The following ADGRL3 variants were observed in gnomAD, a reference collection of about 807,000 sequenced individuals.
ADGRL3 encodes the protein adhesion G protein-coupled receptor L3.
A neutral mutation model predicts 153.5 loss-of-function variants in ADGRL3; 62 were observed. That is an observed-to-expected ratio of 0.40 (90% CI 0.33 to 0.50). The LOEUF is 0.50. Ranked by LOEUF, ADGRL3 falls within the 20% of genes least tolerant of loss-of-function variation. The pLI is 0.47. For synonymous variants in ADGRL3, 710 were observed against 672.5 expected, an observed-to-expected ratio of 1.06 and a Z score of -0.86; for missense variants, 1,641 against 1,859.4, an observed-to-expected ratio of 0.88 and a Z score of 2.16.
intron 8 of ADGRL3, among the ~76,000 whole-genome samples, chr4:61,810,110 A>C (rs115415713): frequency 1.3e-3 from 203 of 152,246 alleles, no homozygotes; most frequent in African/African-American, 4.6e-3. Flanking sequence ...TTGTAAACCT[A>C]GCGTTATGGG....
chr4:61,362,071 C>G (rs1252044818), intron 1 of ADGRL3, among the ~76,000 whole-genome samples: 1 of 150,778 alleles, frequency 6.6e-6, no homozygotes, highest in African/African-American at 2.4e-5. Flanking sequence ...GGCATAATCT[C>G]TACTCACTGC....
chr4:61,654,638 C>G (rs1453052890), intron 5 of ADGRL3, among the ~76,000 whole-genome samples: 1 of 152,020 alleles, frequency 6.6e-6, no homozygotes, highest in Non-Finnish European at 1.5e-5. Flanking sequence ...GTGGTTGAAG[C>G]CTGTAATCCC....
At chr4:61,397,964 A>G (rs1466374477) in intron 2 of ADGRL3, among the ~76,000 whole-genome samples, 4 of 151,858 alleles carry the variant, frequency 2.6e-5, no homozygotes, top group Admixed American at 1.3e-4. Flanking sequence ...ATCTGGACAG[A>G]TGCTCTGTTG....
At chr4:62,044,387 G>T (rs1428177238) in intron 24 of ADGRL3, 66 bp from the exon 25 acceptor site, 13 of 1,047,554 alleles carry the variant, frequency 1.2e-5, no homozygotes, top group Non-Finnish European at 1.7e-5. Context: ...GAAAAGAAAA[G>T]AATGATTTGT....
intron 3 of ADGRL3, among the ~76,000 whole-genome samples, chr4:61,502,411 A>G (rs184743656): frequency 2.0e-5 from 3 of 152,206 alleles, no homozygotes; most frequent in East Asian, 3.9e-4. Flanking sequence ...GGCGAGCGGT[A>G]TGTTTTATAG....
chr4:61,832,682 C>G (rs1366765793), intron 9 of ADGRL3, among the ~76,000 whole-genome samples: 1 of 152,160 alleles, frequency 6.6e-6, no homozygotes, highest in Non-Finnish European at 1.5e-5. Flanking sequence ...AACACCTTCA[C>G]TGGATTGACT....
intron 9 of ADGRL3, among the ~76,000 whole-genome samples, chr4:61,839,087 A>G (rs1255357308): frequency 1.3e-5 from 2 of 152,186 alleles, no homozygotes; most frequent in Non-Finnish European, 2.9e-5. Context: ...GTACTGGAGT[A>G]TTTAAAAGTA....
At chr4:61,669,055 A>C (rs2094903054) in intron 5 of ADGRL3, among the ~76,000 whole-genome samples, 1 of 152,162 alleles carries the variant, frequency 6.6e-6, no homozygotes, top group African/African-American at 2.4e-5. Flanking sequence ...TAAGAGTCTT[A>C]TTACTTTTAT....
chr4:61,631,309 G>T (rs112990422), intron 5 of ADGRL3, among the ~76,000 whole-genome samples: 87 of 152,222 alleles, frequency 5.7e-4, no homozygotes, highest in Non-Finnish European at 1.0e-3. Flanking sequence ...AGGTTTCTAA[G>T]ATCAAATAAA....
intron 2 of ADGRL3, chr4:61,426,585 CCAGCATTTA>C (rs1343884420): frequency 1.3e-5 from 2 of 152,188 alleles, no homozygotes; most frequent in Non-Finnish European, 2.9e-5. Flanking sequence ...ACACTCTGCA[CCAGCATTTA>C]CCAATGCCAA....
chr4:61,759,049 G>A (rs947754353), intron 8 of ADGRL3, among the ~76,000 whole-genome samples: 7 of 152,128 alleles, frequency 4.6e-5, no homozygotes, highest in African/African-American at 1.7e-4. Flanking sequence ...CGAGAGATCA[G>A]CTGTTAGTCT....
At position 61,974,424 on chromosome 4, in the gene ADGRL3, A is replaced by G. The variant is rs1452004877; in HGVS notation, c.2806-5139A>G. 8.4e-4 allele frequency among the ~76,000 whole-genome samples: 128 copies of G among 152,140 alleles called. 4 individuals carry two copies. Among genetic ancestry groups the G allele is most frequent in the Admixed American group, 8.3e-3 (127 of 15,276 alleles). On this transcript the variant is annotated intron_variant, in intron 17 of 26. Transcript: ENST00000683033. ...AATAACATTAGCATTTATTATTGTT[A>G]TGGTTATTTTTCTGATCCTCTCTAT...
chr4:61,465,758 A>ATATATATATATAT (rs2097871895), intron 2 of ADGRL3, among the ~76,000 whole-genome samples: 5 of 130,156 alleles, frequency 3.8e-5, no homozygotes, highest in South Asian at 5.1e-4. Flanking sequence ...ATTATATATA[A>ATATATATATATAT]ATATATATAT....
At chr4:61,896,840 C>A (rs924758074) in intron 11 of ADGRL3, among the ~76,000 whole-genome samples, 2 of 152,120 alleles carry the variant, frequency 1.3e-5, no homozygotes, top group South Asian at 4.1e-4. Context: ...GTAGCTCAGA[C>A]CCCTGGGCAA....
chr4:62,022,413 C>T (rs2099242214), intron 21 of ADGRL3, among the ~76,000 whole-genome samples: 3 of 152,120 alleles, frequency 2.0e-5, no homozygotes. Flanking sequence ...GAAGTTGCAG[C>T]AAATTATCCA....
chr4:61,418,353 G>T (rs923202349), intron 2 of ADGRL3, among the ~76,000 whole-genome samples: 2 of 152,166 alleles, frequency 1.3e-5, no homozygotes, highest in African/African-American at 2.4e-5. Context: ...TCACCTAGTG[G>T]TCTCTGCCAT....
At chr4:61,452,465 T>C (rs2097687713) in intron 2 of ADGRL3, among the ~76,000 whole-genome samples, 2 of 152,310 alleles carry the variant, frequency 1.3e-5, no homozygotes, top group Admixed American at 6.5e-5. Context: ...ATGATGACAT[T>C]CCAAATCTTG....
At chr4:61,819,432 C>T (rs956225951) in intron 9 of ADGRL3, among the ~76,000 whole-genome samples, 2 of 151,966 alleles carry the variant, frequency 1.3e-5, no homozygotes, top group African/African-American at 4.8e-5. Context: ...ATATGAGCAA[C>T]ATCTCTAGGT....
In ADGRL3 at chr4:61,733,173, C is replaced by T; in HGVS notation, c.1018C>T (p.Leu340=). 6.2e-7 allele frequency: 1 copy of T among 1,613,174 alleles called. No homozygotes were observed. The highest frequency in any genetic ancestry group is 8.5e-7 in the Non-Finnish European group (1 of 1,179,576). ...DIDLAVDENG[L]WVIYATEQNN... is the part of the protein sequence containing the mutation. Reference sequence around the variant, plus strand: ...AGACCTGGCAGTAGATGAGAATGGGCTATGGGTAATCTATGCAACAGAACA... The same window carrying T: ...AGACCTGGCAGTAGATGAGAATGGGTTATGGGTAATCTATGCAACAGAACA... Residue 340 remains leucine (L), a synonymous_variant, in exon 8 of 27, where the codon CTA becomes TTA. Coordinates refer to ENST00000683033, the MANE Select transcript of ADGRL3 (RefSeq NM_001387552.1).
Sources: gnomAD v4.1 joint callset for allele counts (sites outside exome capture counted in the v4.1 genomes callset) on GRCh38, gnomAD v4.1.1 for gene constraint, MANE v1.5 for transcripts, NCBI Gene and HGNC (gene_info 2026-07-23, HGNC 2026-07-21) for gene names.